PTGFRN: variants seen among roughly 807,000 people sequenced by gnomAD.
PTGFRN encodes the protein prostaglandin F2 receptor negative regulator.
A neutral mutation model predicts 83.2 loss-of-function variants in PTGFRN; 35 were observed. The observed-to-expected ratio is 0.42, with a 90% CI of 0.32 to 0.56. PTGFRN has a LOEUF of 0.56. PTGFRN is among the 20% of genes least tolerant of loss of function. The pLI is 0.11. For missense variants in PTGFRN, 1,051 were observed against 1,179.5 expected, an observed-to-expected ratio of 0.89 and a Z score of 1.60; for synonymous variants, 519 against 498.6, an observed-to-expected ratio of 1.04 and a Z score of -0.55.
At position 116,949,346 on chromosome 1, in the gene PTGFRN, C is replaced by T. The variant is rs778126611; in HGVS notation, c.987C>T (p.Arg329=). ...RMPDSTLPGS[R]VLARLDRDSL... is the part of the protein sequence containing the mutation. ...CTGACAGCACCCTACCTGGCTCCCG[C>T]GTGTTGGCGCGGCTTGACCGTGATT... The change falls in exon 4 of 9, where the codon CGC becomes CGT. Residue 329 remains arginine (R), a synonymous_variant. Transcript: ENST00000393203. 9.3e-6 allele frequency: 15 copies of T among 1,614,274 alleles called. No individual in the cohort carries two copies. Among genetic ancestry groups the T allele is most frequent in the East Asian group, 6.7e-5 (3 of 44,892 alleles).
chr1:116,928,922 CTG>C (rs1032709210), intron 1 of PTGFRN, among the ~76,000 whole-genome samples: 2 of 152,160 alleles, frequency 1.3e-5, no homozygotes, highest in African/African-American at 4.8e-5. Context: ...TTTAAATACT[CTG>C]TGTGTGCTGA....
intron 1 of PTGFRN, among the ~76,000 whole-genome samples, chr1:116,940,231 G>A (rs1214491830): frequency 2.0e-5 from 3 of 152,208 alleles, no homozygotes; most frequent in Admixed American, 2.0e-4. Flanking sequence ...CAAGGTGTCG[G>A]GGAGTGGTTC....
chr1:116,986,723 G>T (rs1327435400), intron 8 of PTGFRN, 78 bp from the exon 9 acceptor site: 8 of 1,430,270 alleles, frequency 5.6e-6, no homozygotes, highest in Non-Finnish European at 7.8e-6. Context: ...GCTCCAGTGG[G>T]GAAGGGAGGC....
At chr1:116,962,136 C>G (rs1330410239) in intron 5 of PTGFRN, among the ~76,000 whole-genome samples, 1 of 152,162 alleles carries the variant, frequency 6.6e-6, no homozygotes, top group African/African-American at 2.4e-5. Context: ...TTTTCGCTCA[C>G]TCCTAAAAAT....
rs1649579028 is a variant in PTGFRN at position 116,923,167 on chromosome 1, C to A, written c.49+12915C>A. Among the ~76,000 whole-genome samples the A allele has an allele frequency of 6.6e-6, 1 of 152,128 alleles. No homozygotes were observed. Among genetic ancestry groups the A allele is most frequent in the Non-Finnish European group, 1.5e-5 (1 of 68,014 alleles). ...CAGGATCATGTCTGTTTTTGCTTAC[C>A]CCAGCATGTAGGAACTTGAATCTTT... On this transcript the variant is annotated intron_variant, in intron 1 of 8. Coordinates refer to ENST00000393203, the MANE Select transcript of PTGFRN (RefSeq NM_020440.4). This position sits in a 1 kb window ranked among gnomAD's most constrained non-coding sequence, Gnocchi z 4.0.
rs940025015 is a variant in PTGFRN at position 116,917,058 on chromosome 1, G to C, written c.49+6806G>C. On this transcript the variant is annotated intron_variant, in intron 1 of 8. Transcript: ENST00000393203. ...GGAAGCCAAGCAGAGATGGGTGTGA[G>C]TGGACTTGTTAAAGAGGGATTGGTC... Among the ~76,000 whole-genome samples the C allele has an allele frequency of 2.0e-5, 3 of 152,218 alleles. No individual in the cohort carries two copies. In the South Asian group the frequency reaches 6.2e-4, roughly 32 times the overall value.
chr1:116,942,913 A>C (rs924645479), intron 2 of PTGFRN, among the ~76,000 whole-genome samples: 13 of 152,242 alleles, frequency 8.5e-5, no homozygotes, highest in Admixed American at 2.6e-4. Context: ...TAGGTTAATT[A>C]CTTTCCTAAA....
At chr1:116,978,328 T>C (rs1651216240) in intron 7 of PTGFRN, among the ~76,000 whole-genome samples, 1 of 152,210 alleles carries the variant, frequency 6.6e-6, no homozygotes, top group Non-Finnish European at 1.5e-5. Context: ...TCTGAAAGTA[T>C]TCCAATCAAT....
rs1557738996 is a variant in PTGFRN, at chr1:116,945,242, G to A, written c.832+150G>A. Reference sequence around the variant, plus strand: ...TTATTTTTAGGGGTGAAGGGAGTAGGGTGTTGAGAGGTTGGAGGTGGGCGG... The same window carrying A: ...TTATTTTTAGGGGTGAAGGGAGTAGAGTGTTGAGAGGTTGGAGGTGGGCGG... On this transcript the variant is annotated intron_variant, in intron 3 of 8. Coordinates refer to ENST00000393203, the MANE Select transcript of PTGFRN (RefSeq NM_020440.4). The A allele has an allele frequency of 3.9e-6, 4 of 1,030,870 alleles. No homozygotes were observed. In the African/African-American group the frequency reaches 6.5e-5, roughly 17 times the overall value. The allele number at this position is 1,030,870 out of a possible 1,614,324, so 63.9% of individuals were successfully genotyped here.
At chr1:116,959,493 G>A (rs1247625399) in intron 4 of PTGFRN, among the ~76,000 whole-genome samples, 1 of 152,186 alleles carries the variant, frequency 6.6e-6, no homozygotes, top group Non-Finnish European at 1.5e-5. Flanking sequence ...CATTAGAAGT[G>A]TAAATCACAA....
intron 6 of PTGFRN, among the ~76,000 whole-genome samples, chr1:116,972,899 C>T (rs1651044628): frequency 6.6e-6 from 1 of 152,068 alleles, no homozygotes; most frequent in South Asian, 2.1e-4. Context: ...TAAGACAAAC[C>T]CAGTTTGGGT....
intron 4 of PTGFRN, among the ~76,000 whole-genome samples, chr1:116,960,144 A>G (rs146113144): frequency 2.7e-3 from 408 of 152,370 alleles, no homozygotes; most frequent in African/African-American, 8.9e-3. Flanking sequence ...ACAAAAGTGC[A>G]TAGATGGCTT....
intron 4 of PTGFRN, among the ~76,000 whole-genome samples, chr1:116,955,886 C>T (rs1650473376): frequency 6.6e-6 from 1 of 152,106 alleles, no homozygotes; most frequent in Non-Finnish European, 1.5e-5. Flanking sequence ...CCTTAGAGAG[C>T]AGGGAGCTTG....
chr1:116,966,896 G>C lies in PTGFRN; in HGVS notation c.1640-15G>C. ...ATCTTGTTGGAAATCACATCCTTCT[G>C]GTCATTCATTCCAGATTCCGTGCTT... On this transcript the variant is annotated splice_polypyrimidine_tract_variant and intron_variant, in intron 5 of 8. Coordinates refer to ENST00000393203, the MANE Select transcript of PTGFRN (RefSeq NM_020440.4). 1 of 1,578,298 alleles carries C rather than the reference G, an allele frequency of 6.3e-7. No individual in the cohort carries two copies. Among genetic ancestry groups the C allele is most frequent in the Non-Finnish European group, 8.6e-7 (1 of 1,157,200 alleles).
At chr1:116,928,877 A>G (rs1649721077) in intron 1 of PTGFRN, among the ~76,000 whole-genome samples, 1 of 152,020 alleles carries the variant, frequency 6.6e-6, no homozygotes, top group South Asian at 2.1e-4. Context: ...CTCTATGTGT[A>G]TTCTTTCCCC....
In PTGFRN at chr1:116,985,005, T is replaced by G. The variant is rs776204569; in HGVS notation, c.2473+20T>G. The G allele has an allele frequency of 3.8e-6, 6 of 1,597,994 alleles. No homozygotes were observed. The East Asian group carries it at 1.1e-4, about 30-fold the overall frequency. ...TGGATGGTAAGAATGTCACCCAAAT[T>G]TCTCAGTGTTTGGGAATGTCTTCTT... On this transcript the variant is annotated intron_variant, in intron 8 of 8. Coordinates refer to ENST00000393203, the MANE Select transcript of PTGFRN (RefSeq NM_020440.4).
rs1467917236 is a variant in PTGFRN at position 116,942,341 on chromosome 1, G to C, written c.418+258G>C. ...ATGGTTCTGAGCCACCCTATGCCCA[G>C]TGAGGTGGAGGCAGCATGATGCGGT... is the stretch of plus-strand genomic sequence containing the variant. On this transcript the variant is annotated intron_variant, in intron 2 of 8. Coordinates refer to ENST00000393203, the MANE Select transcript of PTGFRN (RefSeq NM_020440.4). Among the ~76,000 whole-genome samples, 7 of 152,230 alleles carry C rather than the reference G, an allele frequency of 4.6e-5. No homozygotes were observed. In the South Asian group the frequency reaches 1.2e-3, roughly 27 times the overall value.
intron 1 of PTGFRN, among the ~76,000 whole-genome samples, chr1:116,915,800 A>G (rs954528530): frequency 6.1e-4 from 93 of 152,300 alleles, no homozygotes; most frequent in African/African-American, 2.0e-3. Flanking sequence ...CAGGCAGTTC[A>G]TAGCTGTTTT....
chr1:116,977,076 G>C (rs1373008553), intron 7 of PTGFRN, among the ~76,000 whole-genome samples: 3 of 152,130 alleles, frequency 2.0e-5, no homozygotes, highest in African/African-American at 7.2e-5. Flanking sequence ...TGCAATCCTA[G>C]TCTCTGATAA....
Sources: gnomAD v4.1 joint callset for allele counts (sites outside exome capture counted in the v4.1 genomes callset) on GRCh38, gnomAD v4.1.1 for gene constraint, Gnocchi (gnomAD v3.1) non-coding constraint, MANE v1.5 for transcripts, NCBI Gene and HGNC (gene_info 2026-07-23, HGNC 2026-07-21) for gene names.